Variants in UMAD1 observed in about 807,000 individuals in gnomAD.
The protein encoded by UMAD1 is UBAP1-MVB12-associated (UMA)-domain containing protein 1.
A neutral mutation model predicts 6.1 loss-of-function variants in UMAD1; 8 were observed. The ratio of observed to expected loss-of-function variants is 1.30; its 90% CI spans 0.76 to 2.35. The LOEUF (loss-of-function observed/expected upper bound fraction) is 2.35, where lower values mean the gene tolerates loss of function less well. Among genes scored for constraint, UMAD1 ranks in the 30% most tolerant of loss-of-function variants. The probability of loss-of-function intolerance (pLI) is 0.00; values close to 1 mark genes in which losing one functional copy is unlikely to be tolerated. For missense variants in UMAD1, 130 were observed against 78.4 expected (o/e 1.66, Z -2.49); for synonymous variants, 56 against 31.4 (o/e 1.78, Z -2.61).
At chr7:7,668,165 G>T (rs749457096) in intron 1 of UMAD1, among the ~76,000 whole-genome samples, 1 of 151,808 alleles carries the variant, frequency 6.6e-6, no homozygotes, top group Non-Finnish European at 1.5e-5. Context: ...TGCCTGCCTC[G>T]GTCTCCCAAA....
At chr7:7,668,238 A>G (rs771069264) in intron 1 of UMAD1, among the ~76,000 whole-genome samples, 6 of 152,142 alleles carry the variant, frequency 3.9e-5, no homozygotes, top group Non-Finnish European at 5.9e-5. Context: ...TACTTACACA[A>G]TGTGAATAAT....
chr7:7,797,347 AG>A (rs1782706181), intron 2 of UMAD1, among the ~76,000 whole-genome samples: 1 of 152,194 alleles, frequency 6.6e-6, no homozygotes, highest in African/African-American at 2.4e-5. Flanking sequence ...TGAGTTTTGG[AG>A]GGGACACACA....
intron 2 of UMAD1, among the ~76,000 whole-genome samples, chr7:7,789,865 G>A (rs896527693): frequency 1.3e-5 from 2 of 152,036 alleles, no homozygotes; most frequent in African/African-American, 4.8e-5. Flanking sequence ...TGAAGACTAG[G>A]GTTGCTTCCA....
rs796788478 is a variant in UMAD1 at position 7,716,410 on chromosome 7, C to A, written c.82+42957C>A. 6.6e-5 allele frequency among the ~76,000 whole-genome samples: 10 copies of A among 152,336 alleles called. No individual in the cohort carries two copies. In the South Asian group the frequency reaches 1.7e-3, roughly 25 times the overall value. Reference sequence around the variant, plus strand: ...TTTAAATAAAAAGCAGCCCCCAAATCATTTCTTTTCTAACAAAAGAGCAGC... The same window carrying A: ...TTTAAATAAAAAGCAGCCCCCAAATAATTTCTTTTCTAACAAAAGAGCAGC... On this transcript the variant is annotated intron_variant, in intron 2 of 3. Coordinates refer to ENST00000682710, the MANE Select transcript of UMAD1 (RefSeq NM_001302348.2).
At chr7:7,784,756 C>CTT (rs71014716) in intron 2 of UMAD1, among the ~76,000 whole-genome samples, 1,040 of 78,410 alleles carry the variant, frequency 0.013, 25 homozygotes, top group African/African-American at 0.029. Flanking sequence ...GCCCTTCCTT[C>CTT]TTTTTTTTTT....
intron 2 of UMAD1, among the ~76,000 whole-genome samples, chr7:7,745,369 T>A (rs1781551881): frequency 6.6e-6 from 1 of 152,218 alleles, no homozygotes; most frequent in Non-Finnish European, 1.5e-5. Flanking sequence ...TGATTTCTAA[T>A]TATATCACGA....
rs28915986 is a variant in UMAD1, at chr7:7,672,596, G to A, written c.-63-713G>A. ...ATGGGAGCCATTTCATGTTGTTCTCGTGATAGTGAGTGAGTTCTCATGAGA... is the reference window on the plus strand; with the variant it reads ...ATGGGAGCCATTTCATGTTGTTCTCATGATAGTGAGTGAGTTCTCATGAGA... On this transcript the variant is annotated intron_variant, in intron 1 of 3. Transcript: ENST00000682710. Among the ~76,000 whole-genome samples, 1,487 of 152,260 alleles carry A rather than the reference G, an allele frequency of 9.8e-3. 14 individuals carry two copies. Among genetic ancestry groups the A allele is most frequent in the Non-Finnish European group, 0.016 (1,105 of 68,014 alleles).
At chr7:7,718,933 G>A (rs899706751) in intron 2 of UMAD1, among the ~76,000 whole-genome samples, 5 of 152,000 alleles carry the variant, frequency 3.3e-5, no homozygotes, top group Admixed American at 6.6e-5. Context: ...TTGACCATCA[G>A]TTAAGTTTAG....
rs1032563514 is a variant in UMAD1, at chr7:7,839,351, C to T, written c.156+37608C>T. On this transcript the variant is annotated intron_variant, in intron 3 of 3. Coordinates refer to ENST00000682710, the MANE Select transcript of UMAD1 (RefSeq NM_001302348.2). Reference sequence around the variant, plus strand: ...CTCAGCCTCCCCCAAGCTGGGACCACAGACACATGCCATCATGCCAGGCTA... The same window carrying T: ...CTCAGCCTCCCCCAAGCTGGGACCATAGACACATGCCATCATGCCAGGCTA... 3.9e-5 allele frequency among the ~76,000 whole-genome samples: 6 copies of T among 152,080 alleles called. No individual in the cohort carries two copies. In the East Asian group the frequency reaches 1.2e-3, roughly 29 times the overall value.
rs1269097629 is a variant in UMAD1 at position 7,839,492 on chromosome 7, A to G, written c.156+37749A>G. ...GGCCACCAAACCCGGCCAGATGAAC[A>G]CTTTTTTTTGAGCCTTTTTACTCTT... On this transcript the variant is annotated intron_variant, in intron 3 of 3. Coordinates refer to ENST00000682710, the MANE Select transcript of UMAD1 (RefSeq NM_001302348.2). 4.6e-5 allele frequency among the ~76,000 whole-genome samples: 7 copies of G among 152,246 alleles called. No homozygotes were observed. In the East Asian group the frequency reaches 1.3e-3, roughly 29 times the overall value.
intron 2 of UMAD1, among the ~76,000 whole-genome samples, chr7:7,784,233 T>A (rs1318783461): frequency 6.6e-6 from 1 of 152,102 alleles, no homozygotes; most frequent in African/African-American, 2.4e-5. Flanking sequence ...TCCTACTTAA[T>A]AAAGTTATTG....
At chr7:7,753,449 A>G (rs1195679082) in intron 2 of UMAD1, among the ~76,000 whole-genome samples, 6 of 152,092 alleles carry the variant, frequency 3.9e-5, no homozygotes, top group Non-Finnish European at 7.4e-5. Flanking sequence ...TCTGGTAACC[A>G]TTCTTCTACT....
Position 7,834,942 on chromosome 7 carries a change from A to AAG in UMAD1, c.156+33209_156+33210dup, listed in dbSNP as rs1422079708. 3.9e-5 allele frequency among the ~76,000 whole-genome samples: 6 copies of AAG among 152,240 alleles called. No individual in the cohort carries two copies. The East Asian group carries it at 7.7e-4, about 20-fold the overall frequency. Reference sequence around the variant, plus strand: ...GGCATGTCTTCCCACTGTGAAGCAGAAGAGAGAGAGAAAGCAAAGGAAGCC... The same window carrying AAG: ...GGCATGTCTTCCCACTGTGAAGCAGAAGAGAGAGAGAGAAAGCAAAGGAAGCC... On this transcript the variant is annotated intron_variant, in intron 3 of 3. Transcript: ENST00000682710.
At chr7:7,769,046 C>G (rs924935877) in intron 2 of UMAD1, among the ~76,000 whole-genome samples, 4 of 152,160 alleles carry the variant, frequency 2.6e-5, no homozygotes, top group African/African-American at 9.7e-5. Context: ...AAGTCTGAAT[C>G]AAGAAAGGAG....
At chr7:7,727,741 C>T (rs1027514217) in intron 2 of UMAD1, among the ~76,000 whole-genome samples, 4 of 152,150 alleles carry the variant, frequency 2.6e-5, no homozygotes, top group South Asian at 2.1e-4. Flanking sequence ...ATCTTTCTCC[C>T]GTGCTGGATG....
At chr7:7,779,413 T>A (rs73051937) in intron 2 of UMAD1, among the ~76,000 whole-genome samples, 12,352 of 151,800 alleles carry the variant, frequency 0.081, 681 homozygotes, top group Non-Finnish European at 0.12. Context: ...CTACAGGTGT[T>A]CATCACCACA....
intron 3 of UMAD1, among the ~76,000 whole-genome samples, chr7:7,865,502 A>G (rs1188801462): frequency 6.6e-6 from 1 of 152,206 alleles, no homozygotes; most frequent in East Asian, 1.9e-4. Flanking sequence ...AGAGTTCCTT[A>G]CAGAAAAAAA....
chr7:7,800,855 C>G (rs1432357016), intron 2 of UMAD1, among the ~76,000 whole-genome samples: 1 of 152,172 alleles, frequency 6.6e-6, no homozygotes, highest in African/African-American at 2.4e-5. Flanking sequence ...GTAATCTTCC[C>G]TGCTGTGGAC....
intron 3 of UMAD1, among the ~76,000 whole-genome samples, chr7:7,805,578 T>G (rs1782896764): frequency 6.6e-6 from 1 of 152,160 alleles, no homozygotes. Flanking sequence ...CTCCTTGGCT[T>G]AAAAGCTCTA....
Sources: allele counts gnomAD v4.1 joint callset (sites outside exome capture counted in the v4.1 genomes callset), GRCh38; gene constraint gnomAD v4.1.1; transcripts MANE v1.5; gene names NCBI Gene and HGNC (gene_info 2026-07-23, HGNC 2026-07-21).